Variants in CCDC85C observed in about 807,000 individuals in gnomAD.
CCDC85C encodes the protein coiled-coil domain containing 85C, also known as coiled-coil domain-containing protein 85C.
In CCDC85C, 18 loss-of-function variants were observed where a neutral mutation model predicts 38.3. That is an observed-to-expected ratio of 0.47 (90% CI 0.33 to 0.70). The LOEUF (loss-of-function observed/expected upper bound fraction) is 0.70, where lower values mean the gene tolerates loss of function less well. Ranked by LOEUF, CCDC85C falls within the 30% of genes least tolerant of loss-of-function variation. CCDC85C has a pLI of 0.03. For synonymous variants in CCDC85C, 264 were observed against 293.8 expected (o/e 0.90, Z 1.04); for missense variants, 566 against 621.2 (o/e 0.91, Z 0.94).
Position 99,502,545 on chromosome 14 carries a change from A to C in CCDC85C, c.*12701T>G. 1 of 1,289,974 alleles carries C rather than the reference A, an allele frequency of 7.8e-7. No homozygotes were observed. The highest frequency in any genetic ancestry group is 2.5e-5 in the East Asian group (1 of 39,528). The allele number at this position is 1,289,974 out of a possible 1,614,324, so 79.9% of individuals were successfully genotyped here. A position where few individuals can be genotyped will look rare whatever the true frequency, so the allele number is the denominator to read the frequency against. ...TAGTTTCCACTTTGTCCAAACACAT[A>C]CTTTTGGTAAACTAAAAATACACAC... On this transcript the variant is annotated 3_prime_UTR_variant, in exon 6 of 6. Transcript: ENST00000380243.
chr14:99,555,965 C>T (rs749019638), intron 1 of CCDC85C, among the ~76,000 whole-genome samples: 4 of 152,212 alleles, frequency 2.6e-5, no homozygotes, highest in South Asian at 2.1e-4. Context: ...CCTAATGACA[C>T]GGAAACATCA....
rs1897149808 is a variant in CCDC85C at position 99,512,367 on chromosome 14, T to G, written c.*2879A>C. 1 of 151,872 alleles carries G rather than the reference T, an allele frequency of 6.6e-6. No individual in the cohort carries two copies. The highest frequency in any genetic ancestry group is 2.1e-4 in the South Asian group (1 of 4,806). The allele number at this position is 151,872 out of a possible 1,614,324, so 9.4% of individuals were successfully genotyped here. On this transcript the variant is annotated 3_prime_UTR_variant, in exon 6 of 6. Coordinates refer to ENST00000380243, the MANE Select transcript of CCDC85C (RefSeq NM_001144995.2). The stretch of plus-strand genomic sequence containing the variant: ...ATCTCCAAAAAGCAGCACAAATACT[T>G]TGCCCCACAGTATGAAAAATATACA...
chr14:99,508,170 G>C lies in CCDC85C; in HGVS notation c.*7076C>G, dbSNP rs574405316. On this transcript the variant is annotated 3_prime_UTR_variant, in exon 6 of 6. Transcript: ENST00000380243. ...TTCCTACTCAATCATGATAGTGTTT[G>C]TGCTTTGGGAGAACAGAGGCGTCAT... 1 of 152,354 alleles carries C rather than the reference G, an allele frequency of 6.6e-6. No individual in the cohort carries two copies. Among genetic ancestry groups the C allele is most frequent in the South Asian group, 2.1e-4 (1 of 4,828 alleles). The allele number at this position is 152,354 out of a possible 1,614,324, so 9.4% of individuals were successfully genotyped here.
At chr14:99,542,270 A>G (rs1013722488) in intron 1 of CCDC85C, among the ~76,000 whole-genome samples, 38 of 152,234 alleles carry the variant, frequency 2.5e-4, no homozygotes, top group African/African-American at 8.4e-4. Flanking sequence ...GTGCAGAAAC[A>G]AGGTGCAAAG....
rs906788896 is a variant in CCDC85C at position 99,588,886 on chromosome 14, C to T, written c.793+14281G>A. Among the ~76,000 whole-genome samples, 12 of 152,048 alleles carry T rather than the reference C, an allele frequency of 7.9e-5. No homozygotes were observed. Among genetic ancestry groups the T allele is most frequent in the Admixed American group, 4.6e-4 (7 of 15,258 alleles). On this transcript the variant is annotated intron_variant, in intron 1 of 5. Transcript: ENST00000380243. The surrounding 1 kb of genome is among the most constrained non-coding windows in gnomAD (Gnocchi z 5.0). ...CTCCTACAGCTTCCCCAAGTTCCTC[C>T]GGGGTCTCCGAGCACCATGGATGTG...
rs1019445610 is a variant in CCDC85C at position 99,501,771 on chromosome 14, C to G, written c.*13475G>C. On this transcript the variant is annotated 3_prime_UTR_variant, in exon 6 of 6. Coordinates refer to ENST00000380243, the MANE Select transcript of CCDC85C (RefSeq NM_001144995.2). ...AGAGCCTTAACACTCTTTTGAGAGG[C>G]CAGGGATCTAATGAGGGGCCGTGGT... The G allele has an allele frequency of 4.0e-6, 1 of 246,926 alleles. No individual in the cohort carries two copies. The highest frequency in any genetic ancestry group is 5.2e-5 in the Admixed American group (1 of 19,212). 15.3% of individuals were successfully genotyped at this position (246,926 alleles called of 1,614,324 possible).
intron 1 of CCDC85C, among the ~76,000 whole-genome samples, chr14:99,594,932 C>A (rs1390567153): frequency 6.6e-6 from 1 of 152,190 alleles, no homozygotes; most frequent in African/African-American, 2.4e-5. Flanking sequence ...AGGTGGGGAG[C>A]AGGGGAAAGA....
intron 3 of CCDC85C, among the ~76,000 whole-genome samples, chr14:99,518,698 G>A (rs1897263113): frequency 2.0e-5 from 3 of 152,242 alleles, no homozygotes; most frequent in African/African-American, 7.2e-5. Context: ...CCGGCCCCTG[G>A]CACCTCTGGC....
At chr14:99,597,392 G>A (rs2055154328) in intron 1 of CCDC85C, among the ~76,000 whole-genome samples, 1 of 152,168 alleles carries the variant, frequency 6.6e-6, no homozygotes. Flanking sequence ...TCCCTTCCCA[G>A]TTGTAATGTG....
intron 1 of CCDC85C, among the ~76,000 whole-genome samples, chr14:99,557,258 C>G (rs181169303): frequency 6.6e-6 from 1 of 152,346 alleles, no homozygotes; most frequent in African/African-American, 2.4e-5. Flanking sequence ...AGCCCAAAGC[C>G]CTTTCCCAAG....
chr14:99,600,974 A>G (rs2055192486), intron 1 of CCDC85C, among the ~76,000 whole-genome samples: 1 of 152,212 alleles, frequency 6.6e-6, no homozygotes, highest in African/African-American at 2.4e-5. Context: ...GTAGTGAGCC[A>G]TGAGTGTTCC....
chr14:99,515,053 G>GA lies in CCDC85C; in HGVS notation c.*192dup. On this transcript the variant is annotated 3_prime_UTR_variant, in exon 6 of 6. Transcript: ENST00000380243. ...TCGTCTTCCCAGGTTGCTGGTGTAT[G>GA]AGGCGGGAGATGGCGGCTTGGGCCA... 1.9e-6 allele frequency: 1 copy of GA among 537,378 alleles called. No homozygotes were observed. The highest frequency in any genetic ancestry group is 3.3e-6 in the Non-Finnish European group (1 of 299,668). 33.3% of individuals were successfully genotyped at this position (537,378 alleles called of 1,614,324 possible).
In CCDC85C at chr14:99,603,693, G is replaced by A. The variant is rs78667152; in HGVS notation, c.267C>T (p.Cys89=). ...DDNQELRELC[C]FLDDDRQKGR... is the part of the protein sequence containing the mutation. ...CCTTCTGCCGGTCGTCGTCGAGGAA[G>A]CAGCAGAGCTCGCGCAGCTCCTGGT... Residue 89 remains cysteine (C), a synonymous_variant, in exon 1 of 6, where the codon TGC becomes TGT. Coordinates refer to ENST00000380243, the MANE Select transcript of CCDC85C (RefSeq NM_001144995.2). The surrounding 1 kb of genome is among the most constrained non-coding windows in gnomAD (Gnocchi z 7.5). 0.054 allele frequency: 81,644 copies of A among 1,508,046 alleles called. 8,156 individuals carry two copies. The highest frequency in any genetic ancestry group is 0.34 in the Admixed American group (16,762 of 48,828). The allele number at this position is 1,508,046 out of a possible 1,614,324, so 93.4% of individuals were successfully genotyped here.
At position 99,545,707 on chromosome 14, in the gene CCDC85C, CCA is replaced by C. The variant is rs1161149733; in HGVS notation, c.794-9621_794-9620del. 6.6e-6 allele frequency among the ~76,000 whole-genome samples: 1 copy of C among 152,124 alleles called. No homozygotes were observed. The highest frequency in any genetic ancestry group is 1.5e-5 in the Non-Finnish European group (1 of 68,022). ...AGTCCCGCCGGGGAGAGACATCTCACCACACAGCGGTCACATCACATTCAGCC... is the reference window on the plus strand; with the variant it reads ...AGTCCCGCCGGGGAGAGACATCTCACCACAGCGGTCACATCACATTCAGCC... On this transcript the variant is annotated intron_variant, in intron 1 of 5. Transcript: ENST00000380243. The surrounding 1 kb of genome is among the most constrained non-coding windows in gnomAD (Gnocchi z 4.7).
At chr14:99,552,104 G>A (rs1262001354) in intron 1 of CCDC85C, among the ~76,000 whole-genome samples, 1 of 152,212 alleles carries the variant, frequency 6.6e-6, no homozygotes, top group African/African-American at 2.4e-5. Context: ...GGGTCCAGGT[G>A]GGAGGCTCAG....
rs189360475 is a variant in CCDC85C, at chr14:99,508,184, C to G, written c.*7062G>C. ...TGATAGTGTTTGTGCTTTGGGAGAA[C>G]AGAGGCGTCATTTTCCACTTTGGGG... is the stretch of plus-strand genomic sequence containing the variant. On this transcript the variant is annotated 3_prime_UTR_variant, in exon 6 of 6. Transcript: ENST00000380243. 36 of 152,356 alleles carry G rather than the reference C, an allele frequency of 2.4e-4. No individual in the cohort carries two copies. Among genetic ancestry groups the G allele is most frequent in the African/African-American group, 8.2e-4 (34 of 41,584 alleles). The allele number at this position is 152,356 out of a possible 1,614,324, so 9.4% of individuals were successfully genotyped here.
chr14:99,547,869 CAT>C (rs1270611141), intron 1 of CCDC85C, among the ~76,000 whole-genome samples: 3 of 151,636 alleles, frequency 2.0e-5, no homozygotes, highest in African/African-American at 4.9e-5. Context: ...TATACACACA[CAT>C]ATATATACAT....
chr14:99,527,524 G>A (rs1324473058), intron 2 of CCDC85C, among the ~76,000 whole-genome samples: 2 of 152,192 alleles, frequency 1.3e-5, no homozygotes, highest in Non-Finnish European at 2.9e-5. Flanking sequence ...TAAAGGGCCT[G>A]GCTCCACGGG....
At chr14:99,556,664 C>T (rs1238721963) in intron 1 of CCDC85C, among the ~76,000 whole-genome samples, 1 of 152,156 alleles carries the variant, frequency 6.6e-6, no homozygotes, top group Non-Finnish European at 1.5e-5. Flanking sequence ...GCTGGAACCA[C>T]AGACATATGT....
Sources: gnomAD v4.1 joint callset for allele counts (sites outside exome capture counted in the v4.1 genomes callset) on GRCh38, gnomAD v4.1.1 for gene constraint, Gnocchi (gnomAD v3.1) non-coding constraint, MANE v1.5 for transcripts, NCBI Gene and HGNC (gene_info 2026-07-23, HGNC 2026-07-21) for gene names.